CYP3A5: variants seen among roughly 807,000 people sequenced by gnomAD.
CYP3A5 encodes cytochrome P450 3A5.
A neutral mutation model predicts 55.9 loss-of-function variants in CYP3A5; 51 were observed. The ratio of observed to expected loss-of-function variants is 0.91; its 90% CI spans 0.73 to 1.15. The LOEUF (loss-of-function observed/expected upper bound fraction) is 1.15, where lower values mean the gene tolerates loss of function less well. Among genes scored for constraint, CYP3A5 ranks in the 50% most tolerant of loss-of-function variants. The pLI is 0.00. For missense variants in CYP3A5, 533 were observed against 596.6 expected, an observed-to-expected ratio of 0.89 and a Z score of 1.11; for synonymous variants, 196 against 213.9, an observed-to-expected ratio of 0.92 and a Z score of 0.73.
chr7:99,679,783 C>G, intron 1 of CYP3A5, 43 bp downstream of exon 1: 1 of 1,598,358 alleles, frequency 6.3e-7, no homozygotes, highest in South Asian at 1.1e-5. Flanking sequence ...ATTAGCACCC[C>G]AAGTCCAAGG....
chr7:99,665,061 C>T, intron 7 of CYP3A5, 105 bp downstream of exon 7: 2 of 1,059,542 alleles, frequency 1.9e-6, no homozygotes, highest in Non-Finnish European at 1.3e-6. Context: ...ATCTTAAAAA[C>T]AATGGAATTG....
rs1275603648 is a variant in CYP3A5 at position 99,666,698 on chromosome 7, A to C, written c.433-9T>G. The C allele has an allele frequency of 6.2e-7, 1 of 1,614,096 alleles. No homozygotes were observed. The highest frequency in any genetic ancestry group is 8.5e-7 in the Non-Finnish European group (1 of 1,179,946). On this transcript the variant is annotated splice_polypyrimidine_tract_variant and intron_variant, in intron 5 of 12. Coordinates refer to ENST00000222982, the MANE Select transcript of CYP3A5 (RefSeq NM_000777.5). ...GCAATGATGGGGAACATCTAAGCAC[A>C]AAACAGATCAGTACCTGTAGTTAAA...
intron 4 of CYP3A5, among the ~76,000 whole-genome samples, chr7:99,667,823 A>G (rs934502953): frequency 7.9e-5 from 12 of 152,238 alleles, no homozygotes; most frequent in Admixed American, 7.2e-4. Context: ...TAAAAAAATC[A>G]TTCAGTTAAA....
intron 1 of CYP3A5, among the ~76,000 whole-genome samples, chr7:99,678,734 C>A (rs1384676396): frequency 6.6e-6 from 1 of 152,172 alleles, no homozygotes; most frequent in Non-Finnish European, 1.5e-5. Flanking sequence ...ACAATGGAAA[C>A]CATGTTGCCA....
intron 4 of CYP3A5, chr7:99,672,014 G>A: frequency 1.7e-6 from 1 of 573,954 alleles, no homozygotes; most frequent in African/African-American, 1.9e-5. Context: ...TATTAGGTTG[G>A]TGCAAAAGTT....
intron 3 of CYP3A5, chr7:99,672,947 A>G (rs1811820926): frequency 4.1e-5 from 49 of 1,205,550 alleles, no homozygotes; most frequent in Non-Finnish European, 4.9e-5. Context: ...TAAAGAGATT[A>G]TGGTTAGAAA....
chr7:99,679,724 C>G, intron 1 of CYP3A5, 102 bp downstream of exon 1: 1 of 1,135,524 alleles, frequency 8.8e-7, no homozygotes, highest in Non-Finnish European at 1.3e-6. Context: ...GCTACTTCTC[C>G]TTGAACATCT....
intron 10 of CYP3A5, chr7:99,660,242 T>C (rs1336613949): frequency 1.0e-6 from 1 of 972,792 alleles, no homozygotes; most frequent in African/African-American, 1.8e-5. Flanking sequence ...TTTTTTTTTT[T>C]TTTACTTAGC....
intron 9 of CYP3A5, among the ~76,000 whole-genome samples, chr7:99,661,133 TTTCTC>T (rs1244450343): frequency 6.6e-6 from 1 of 152,206 alleles, no homozygotes; most frequent in East Asian, 1.9e-4. Flanking sequence ...TTTAGGACCT[TTTCTC>T]TATATATGTT....
In CYP3A5 at chr7:99,666,624, T is replaced by A; in HGVS notation, c.498A>T (p.Lys166Asn). 2 of 1,613,904 alleles carry A rather than the reference T, an allele frequency of 1.2e-6. No individual in the cohort carries two copies. Among genetic ancestry groups the A allele is most frequent in the Non-Finnish European group, 1.7e-6 (2 of 1,179,818 alleles). Residue 166 changes from lysine to asparagine, a missense_variant, in exon 6 of 13, where the codon AAA (lysine) becomes AAT (asparagine). Coordinates refer to ENST00000222982, the MANE Select transcript of CYP3A5 (RefSeq NM_000777.5). Reference protein sequence around the residue: ...LVRNLRREAEKGKPVTLKDIF... With the variant: ...LVRNLRREAENGKPVTLKDIF... ...ACTCTTTCAAGGTGACAGGCTTGCC[T>A]TTCTCTGCTTCCCGCCTCAAGTTTC...
intron 2 of CYP3A5, among the ~76,000 whole-genome samples, chr7:99,675,663 C>T (rs1812190405): frequency 6.4e-5 from 3 of 47,098 alleles, no homozygotes; most frequent in Non-Finnish European, 1.3e-4. Flanking sequence ...CCTCCCCTCC[C>T]CTCCCCTCTC....
rs41303325 is a variant in CYP3A5, at chr7:99,664,960, G to C, written c.670+206C>G. Among the ~76,000 whole-genome samples, 334 of 152,266 alleles carry C rather than the reference G, an allele frequency of 2.2e-3. 1 individual carries two copies. Among genetic ancestry groups the C allele is most frequent in the Non-Finnish European group, 4.2e-3 (287 of 68,008 alleles). ...GGATGCTTAGGGCAGTGGGGTTTGT[G>C]GTGGGGTGTTGACAGCTAAAGTGTG... On this transcript the variant is annotated intron_variant, in intron 7 of 12. Coordinates refer to ENST00000222982, the MANE Select transcript of CYP3A5 (RefSeq NM_000777.5).
At chr7:99,671,934 A>C in intron 4 of CYP3A5, 1 of 686,310 alleles carries the variant, frequency 1.5e-6, no homozygotes, top group South Asian at 1.5e-5. Context: ...CACACAAACA[A>C]GGGCATGTAA....
Position 99,665,280 on chromosome 7 carries a change from C to T in CYP3A5, c.556G>A (p.Gly186Ser). ...TCGATGTTCACTCCAAATGATGTGC[C>T]AGTAATCACATCCATGCTGTAGGCC... ...FGAYSMDVITGTSFGVNIDSL... is the reference protein window; with the variant it reads ...FGAYSMDVITSTSFGVNIDSL... Residue 186 changes from glycine to serine, a missense_variant, in exon 7 of 13, where the codon GGC becomes AGC. Coordinates refer to ENST00000222982, the MANE Select transcript of CYP3A5 (RefSeq NM_000777.5). 1 of 1,614,048 alleles carries T rather than the reference C, an allele frequency of 6.2e-7. No homozygotes were observed. Among genetic ancestry groups the T allele is most frequent in the Non-Finnish European group, 8.5e-7 (1 of 1,179,988 alleles).
chr7:99,658,304 T>G (rs1584423086), intron 10 of CYP3A5, among the ~76,000 whole-genome samples: 1 of 152,176 alleles, frequency 6.6e-6, no homozygotes, highest in Non-Finnish European at 1.5e-5. Context: ...CAGCATTTGC[T>G]TGTCTGTAAA....
Position 99,665,190 on chromosome 7 carries a change from AG to A in CYP3A5, c.645del (p.Leu216Ter). ...ESTKKFLKFG[F>X]LDPLFLSIIL... ...CTTATTGAGAGAAATAATGGATCTAAGAAACCAAATTTTAGGAACTTCTTAG... is the reference window on the plus strand; with the variant it reads ...CTTATTGAGAGAAATAATGGATCTAAAAACCAAATTTTAGGAACTTCTTAG... On this transcript the variant is annotated frameshift_variant, in exon 7 of 13. Coordinates refer to ENST00000222982, the MANE Select transcript of CYP3A5 (RefSeq NM_000777.5). LOFTEE classifies it high-confidence loss of function. 1 of 1,613,780 alleles carries A rather than the reference AG, an allele frequency of 6.2e-7. No homozygotes were observed. The highest frequency in any genetic ancestry group is 8.5e-7 in the Non-Finnish European group (1 of 1,179,764).
chr7:99,672,626 C>G lies in CYP3A5; in HGVS notation c.272G>C (p.Arg91Thr). 1.9e-6 allele frequency: 3 copies of G among 1,614,120 alleles called. No homozygotes were observed. Among genetic ancestry groups the G allele is most frequent in the Non-Finnish European group, 2.5e-6 (3 of 1,179,980 alleles). ...VLAITDPDVIRTVLVKECYSV... is the reference protein window; with the variant it reads ...VLAITDPDVITTVLVKECYSV... ...ATAACATTCTTTCACTAGCACTGTT[C>G]TGATCACGTCGGGATCTGTGATGGC... Residue 91 changes from arginine (R) to threonine (T), a missense_variant, in exon 4 of 13, where the codon AGA becomes ACA. Coordinates refer to ENST00000222982, the MANE Select transcript of CYP3A5 (RefSeq NM_000777.5).
Position 99,665,259 on chromosome 7 carries a change from T to C in CYP3A5, c.577A>G (p.Ile193Val), listed in dbSNP as rs370657167. ...VITGTSFGVN[I>V]DSLNNPQDPF... ...TCTTGTGGATTGTTGAGAGAGTCGA[T>C]GTTCACTCCAAATGATGTGCCAGTA... Residue 193 changes from isoleucine (I) to valine (V), a missense_variant, in exon 7 of 13, where the codon ATC (isoleucine) becomes GTC (valine). Transcript: ENST00000222982. The C allele has an allele frequency of 6.2e-6, 10 of 1,614,114 alleles. No individual in the cohort carries two copies. The highest frequency in any genetic ancestry group is 8.5e-6 in the Non-Finnish European group (10 of 1,180,028).
At chr7:99,677,631 G>A (rs1479152274) in intron 1 of CYP3A5, among the ~76,000 whole-genome samples, 3 of 152,188 alleles carry the variant, frequency 2.0e-5, no homozygotes, top group Non-Finnish European at 4.4e-5. Context: ...TACATGAAGG[G>A]CAGGGTTTGG....
Sources: gnomAD v4.1 joint callset for allele counts (sites outside exome capture counted in the v4.1 genomes callset) on GRCh38, gnomAD v4.1.1 for gene constraint, MANE v1.5 for transcripts, NCBI Gene and HGNC (gene_info 2026-07-23, HGNC 2026-07-21) for gene names.